NUP160: variants seen among roughly 807,000 people sequenced by gnomAD.
NUP160 encodes nuclear pore complex protein Nup160.
In NUP160, 94 loss-of-function variants were observed where a neutral mutation model predicts 196.9. The ratio of observed to expected loss-of-function variants is 0.48; its 90% CI spans 0.40 to 0.57. The LOEUF (loss-of-function observed/expected upper bound fraction) is 0.57. NUP160 is among the 20% of genes least tolerant of loss of function. The pLI is 0.00. For missense variants in NUP160, 1,638 were observed against 1,748.3 expected, an observed-to-expected ratio of 0.94 and a Z score of 1.13; for synonymous variants, 605 against 619.7, an observed-to-expected ratio of 0.98 and a Z score of 0.35.
chr11:47,834,604 AG>A (rs1323792596), intron 7 of NUP160, among the ~76,000 whole-genome samples: 59 of 152,230 alleles, frequency 3.9e-4, no homozygotes, highest in African/African-American at 1.4e-3. Context: ...GCTGGCCAGA[AG>A]GTAAGGGTCG....
intron 8 of NUP160, 84 bp downstream of exon 8, chr11:47,822,000 GACT>G: frequency 9.8e-7 from 1 of 1,025,484 alleles, no homozygotes; most frequent in Admixed American, 2.1e-5. Context: ...TCCATTTTAA[GACT>G]ACAATCCCAT....
intron 27 of NUP160, among the ~76,000 whole-genome samples, chr11:47,797,026 T>A (rs1362618275): frequency 6.6e-6 from 1 of 152,156 alleles, no homozygotes. Context: ...CTTTAAGGAC[T>A]TTGCATTTAA....
At position 47,822,571 on chromosome 11, in the gene NUP160, TTTC is replaced by T. The variant is rs375408282; in HGVS notation, c.1102-410_1102-408del. ...GCACCCGGCCAAAAATTTTTTTTCT[TTTC>T]TTTTTTTTTTTTTAATACTTTAAAT... is the stretch of plus-strand genomic sequence containing the variant. On this transcript the variant is annotated intron_variant, in intron 7 of 35. Coordinates refer to ENST00000378460, the Ensembl canonical transcript of NUP160. 3.2e-3 allele frequency among the ~76,000 whole-genome samples: 494 copies of T among 152,024 alleles called. 29 individuals carry two copies. The East Asian group carries it at 0.076, about 23-fold the overall frequency.
chr11:47,783,344 G>A (rs1163192093), intron 33 of NUP160, 146 bp from the exon 34 acceptor site: 1 of 1,001,336 alleles, frequency 1.0e-6, no homozygotes, highest in Non-Finnish European at 1.4e-6. Context: ...TGTATCTTAG[G>A]ATAAGAGCTG....
exon 15 of NUP160, chr11:47,812,936 T>C (rs1467450630): frequency 1.2e-5 from 20 of 1,613,738 alleles, no homozygotes; most frequent in Non-Finnish European, 1.7e-5. Context: ...TTCCGGAGAC[T>C]GTAGGTTATA....
chr11:47,826,570 CTTTT>C (rs1555005591), intron 7 of NUP160, among the ~76,000 whole-genome samples: 1 of 106,902 alleles, frequency 9.4e-6, no homozygotes, highest in African/African-American at 2.8e-5. Context: ...TCCCCCCCCC[CTTTT>C]TTTTTTGAGA....
chr11:47,817,342 C>CTTT (rs904451058), intron 11 of NUP160, among the ~76,000 whole-genome samples: 11 of 132,424 alleles, frequency 8.3e-5, no homozygotes, highest in Non-Finnish European at 1.1e-4. Context: ...AAGCCAAAAA[C>CTTT]TTTTTTTTTT....
intron 4 of NUP160, 66 bp downstream of exon 4, chr11:47,839,777 G>T (rs1852257600): frequency 7.5e-7 from 1 of 1,326,600 alleles, no homozygotes; most frequent in African/African-American, 1.4e-5. Context: ...GGATGACGAG[G>T]TTGAACTGTT....
intron 19 of NUP160, 98 bp downstream of exon 19, chr11:47,806,972 G>A (rs1440378128): frequency 1.2e-6 from 1 of 840,182 alleles, no homozygotes; most frequent in African/African-American, 1.7e-5. Flanking sequence ...AAAGAGCCTA[G>A]CCAACCTTTC....
intron 27 of NUP160, among the ~76,000 whole-genome samples, chr11:47,797,289 G>A (rs1474289042): frequency 6.6e-6 from 1 of 152,072 alleles, no homozygotes; most frequent in African/African-American, 2.4e-5. Flanking sequence ...GGAGTGAAGT[G>A]GCGTGATCTT....
At chr11:47,841,513 G>A (rs891972867) in intron 2 of NUP160, 5 of 407,182 alleles carry the variant, frequency 1.2e-5, no homozygotes, top group African/African-American at 1.1e-4. Context: ...CATGCTCACT[G>A]GCCACCACAT....
At chr11:47,798,519 C>T in intron 23 of NUP160, 56 bp from the exon 24 acceptor site, 1 of 985,146 alleles carries the variant, frequency 1.0e-6, no homozygotes, top group Non-Finnish European at 1.6e-6. Context: ...GTACTTCAAA[C>T]TCAATTATGG....
intron 13 of NUP160, chr11:47,814,974 T>C (rs1452219959): frequency 2.0e-5 from 3 of 152,300 alleles, no homozygotes; most frequent in Non-Finnish European, 4.4e-5. Context: ...CCCACGCCTG[T>C]AATCCCAACA....
intron 2 of NUP160, 105 bp downstream of exon 2, chr11:47,847,743 C>T: frequency 1.3e-6 from 1 of 750,420 alleles, no homozygotes; most frequent in Non-Finnish European, 2.4e-6. Context: ...TTCTCTTTCC[C>T]TAAGTGTCAA....
chr11:47,840,571 G>C, exon 3 of NUP160: 2 of 1,608,228 alleles, frequency 1.2e-6, no homozygotes, highest in Non-Finnish European at 1.7e-6. Context: ...CAGCTCCAAT[G>C]TATCTCCAGA....
At chr11:47,840,051 G>A in exon 4 of NUP160, 1 of 1,611,926 alleles carries the variant, frequency 6.2e-7, no homozygotes, top group Non-Finnish European at 8.5e-7. Flanking sequence ...GCATCTGACT[G>A]TCAACTACCA....
intron 23 of NUP160, among the ~76,000 whole-genome samples, 196 bp downstream of exon 23, chr11:47,801,615 G>T (rs533790947): frequency 3.3e-5 from 5 of 152,324 alleles, no homozygotes; most frequent in African/African-American, 1.2e-4. Context: ...CTCCCAAAGT[G>T]CTGGGATTAC....
intron 7 of NUP160, among the ~76,000 whole-genome samples, chr11:47,827,829 A>G (rs180886162): frequency 4.6e-5 from 7 of 152,288 alleles, no homozygotes; most frequent in African/African-American, 1.7e-4. Context: ...AGAAAGAAGG[A>G]AAAGAAAAAA....
At chr11:47,806,381 C>G in intron 19 of NUP160, 69 bp from the exon 20 acceptor site, 1 of 1,256,576 alleles carries the variant, frequency 8.0e-7, no homozygotes, top group Non-Finnish European at 1.1e-6. Flanking sequence ...AATAGTCTAT[C>G]AATTCATTTT....
Sources: gnomAD v4.1 joint callset for allele counts (sites outside exome capture counted in the v4.1 genomes callset) on GRCh38, gnomAD v4.1.1 for gene constraint, MANE v1.5 for transcripts, NCBI Gene and HGNC (gene_info 2026-07-23, HGNC 2026-07-21) for gene names.